The following CTC1 variants were observed in gnomAD, a reference collection of about 807,000 sequenced individuals.
The protein encoded by CTC1 is CST complex subunit CTC1.
In CTC1, 91 loss-of-function variants were observed where a neutral mutation model predicts 136.3. The ratio of observed to expected loss-of-function variants is 0.67; its 90% CI spans 0.56 to 0.79. The LOEUF is 0.79. Among genes scored for constraint, CTC1 ranks in the 30% least tolerant of loss-of-function variants. CTC1 has a pLI of 0.00. For synonymous variants in CTC1, 606 were observed against 613.8 expected (o/e 0.99, Z 0.19); for missense variants, 1,432 against 1,498.1 (o/e 0.96, Z 0.73).
intron 2 of CTC1, among the ~76,000 whole-genome samples, chr17:8,242,348 T>C (rs73244885): frequency 0.019 from 2,926 of 151,936 alleles, 100 homozygotes; most frequent in African/African-American, 0.067. Context: ...TGATTACTTC[T>C]ATGAGGAGAT....
At position 8,235,963 on chromosome 17, in the gene CTC1, C is replaced by A. The variant is rs375114652; in HGVS notation, c.1078-4G>T. 7.3e-5 allele frequency: 117 copies of A among 1,603,624 alleles called. No homozygotes were observed. The highest frequency in any genetic ancestry group is 1.7e-4 in the Middle Eastern group (1 of 6,034). On this transcript the variant is annotated splice_polypyrimidine_tract_variant and splice_region_variant and intron_variant, in intron 6 of 22. Transcript: ENST00000651323. Reference sequence around the variant, plus strand: ...TCAACACGCCAGTGACTGCTCCCTGCAAACAGGCCGAGGTCCAGTTGACCA... The same window carrying A: ...TCAACACGCCAGTGACTGCTCCCTGAAAACAGGCCGAGGTCCAGTTGACCA...
In CTC1 at chr17:8,230,313, A is replaced by G; in HGVS notation, c.2914T>C (p.Leu972=). 6.2e-7 allele frequency: 1 copy of G among 1,612,720 alleles called. No homozygotes were observed. The highest frequency in any genetic ancestry group is 8.5e-7 in the Non-Finnish European group (1 of 1,179,614). ...LPGARVHFSQ[L]EKRVSRSHNV... The stretch of plus-strand genomic sequence containing the variant: ...CTTCACCTGGAAACCCTTTTCTCCA[A>G]CTGGCTGAAGTGGACCCGGGCTCCT... The change falls in exon 17 of 23, where the codon TTG becomes CTG. Residue 972 remains leucine, a synonymous_variant. Coordinates refer to ENST00000651323, the MANE Select transcript of CTC1 (RefSeq NM_025099.6).
rs1443885483 is a variant in CTC1, at chr17:8,226,545, G to A, written c.*1635C>T. 6.6e-6 allele frequency: 1 copy of A among 152,132 alleles called. No individual in the cohort carries two copies. Among genetic ancestry groups the A allele is most frequent in the Admixed American group, 6.5e-5 (1 of 15,270 alleles). The allele number at this position is 152,132 out of a possible 1,614,324, so 9.4% of individuals were successfully genotyped here. A position where few individuals can be genotyped will look rare whatever the true frequency, so the allele number is the denominator to read the frequency against. The stretch of plus-strand genomic sequence containing the variant: ...GAGTTCCTAGATGAGAGGTTTGGAG[G>A]GTGCCGACTGGATCATCCCATCCTG... On this transcript the variant is annotated 3_prime_UTR_variant, in exon 23 of 23. Coordinates refer to ENST00000651323, the MANE Select transcript of CTC1 (RefSeq NM_025099.6).
intron 1 of CTC1, among the ~76,000 whole-genome samples, chr17:8,246,696 C>A (rs1210614035): frequency 6.6e-5 from 10 of 151,872 alleles, no homozygotes; most frequent in African/African-American, 2.4e-5. Flanking sequence ...ACCATCCTGG[C>A]TAACATGGTG....
Position 8,231,293 on chromosome 17 carries a change from G to T in CTC1, c.2652C>A (p.Thr884=). The T allele has an allele frequency of 6.3e-7, 1 of 1,579,822 alleles. No homozygotes were observed. The highest frequency in any genetic ancestry group is 8.6e-7 in the Non-Finnish European group (1 of 1,157,096). The part of the protein sequence containing the change: ...ANKSLPESSL[T]DLLSDNFTDS... ...ACATTTACTTGTCACTGAGCAGGTCGGTCAGTGAGGATTCAGGCAATGACT... is the reference window on the plus strand; with the variant it reads ...ACATTTACTTGTCACTGAGCAGGTCTGTCAGTGAGGATTCAGGCAATGACT... The change falls in exon 15 of 23, where the codon ACC becomes ACA. Residue 884 remains threonine, a synonymous_variant. Coordinates refer to ENST00000651323, the MANE Select transcript of CTC1 (RefSeq NM_025099.6).
At chr17:8,241,849 C>CAAAA (rs59476896) in intron 2 of CTC1, among the ~76,000 whole-genome samples, 9 of 96,246 alleles carry the variant, frequency 9.4e-5, no homozygotes, top group Non-Finnish European at 1.7e-4. Context: ...GACCCTGTCT[C>CAAAA]AAAAAAAAAA....
At position 8,238,597 on chromosome 17, in the gene CTC1, T is replaced by A; in HGVS notation, c.230A>T (p.Gln77Leu). The part of the protein sequence containing the change: ...FVSVQDLKTH[Q>L]RLPCCSHLSW... ...CAGGTGGCTGCAGCATGGGAGACGC[T>A]GGTGAGTCTTGAGGTCCTGTACTGA... The change falls in exon 3 of 23, where the codon CAG (glutamine) becomes CTG (leucine). Residue 77 changes from glutamine to leucine, a missense_variant. Physicochemically the swap from Gln to Leu is moderately radical, Grantham distance 113 (BLOSUM62 -2). Transcript: ENST00000651323. 5 of 1,612,190 alleles carry A rather than the reference T, an allele frequency of 3.1e-6. No homozygotes were observed. The highest frequency in any genetic ancestry group is 3.4e-6 in the Non-Finnish European group (4 of 1,178,988).
rs1291320361 is a variant in CTC1 at position 8,226,213 on chromosome 17, T to C, written c.*1967A>G. 1 of 152,154 alleles carries C rather than the reference T, an allele frequency of 6.6e-6. No individual in the cohort carries two copies. The highest frequency in any genetic ancestry group is 2.4e-5 in the African/African-American group (1 of 41,422). The allele number at this position is 152,154 out of a possible 1,614,324, so 9.4% of individuals were successfully genotyped here. Reference sequence around the variant, plus strand: ...AAAGGATGTGGATTTAGCCGCAAAATCACGCTGTTTCAATTGAATAAAGGC... The same window carrying C: ...AAAGGATGTGGATTTAGCCGCAAAACCACGCTGTTTCAATTGAATAAAGGC... On this transcript the variant is annotated 3_prime_UTR_variant, in exon 23 of 23. Transcript: ENST00000651323.
At chr17:8,247,894 G>T in intron 1 of CTC1, 110 bp downstream of exon 1, 2 of 1,128,710 alleles carry the variant, frequency 1.8e-6, no homozygotes, top group Non-Finnish European at 1.3e-6. Flanking sequence ...TCACCCATGG[G>T]CCGGACGCGG....
rs1230895650 is a variant in CTC1 at position 8,227,069 on chromosome 17, A to T, written c.*1111T>A. 1.3e-5 allele frequency: 2 copies of T among 150,796 alleles called. No individual in the cohort carries two copies. The highest frequency in any genetic ancestry group is 3.8e-4 in the East Asian group (2 of 5,200). 9.3% of individuals were successfully genotyped at this position (150,796 alleles called of 1,614,324 possible). A position where few individuals can be genotyped will look rare whatever the true frequency, so the allele number is the denominator to read the frequency against. ...AACCAACTGAGCTAACCGGCCACTA[A>T]CTTTCCGGGTCTACTTCAAATCTTA... is the stretch of plus-strand genomic sequence containing the variant. On this transcript the variant is annotated 3_prime_UTR_variant, in exon 23 of 23. Coordinates refer to ENST00000651323, the MANE Select transcript of CTC1 (RefSeq NM_025099.6).
chr17:8,230,004 G>C lies in CTC1; in HGVS notation c.2934-36C>G, dbSNP rs1260634019. The C allele has an allele frequency of 1.9e-6, 3 of 1,599,584 alleles. No homozygotes were observed. The South Asian group carries it at 3.3e-5, about 18-fold the overall frequency. On this transcript the variant is annotated intron_variant, in intron 17 of 22. Coordinates refer to ENST00000651323, the MANE Select transcript of CTC1 (RefSeq NM_025099.6). ...AAGAGGAATAGTGAGTGACCAGGAA[G>C]ACAAGGCAAATTGGGGTAGAAGCTG...
chr17:8,231,471 T>C lies in CTC1; in HGVS notation c.2476-2A>G. 2.5e-6 allele frequency: 4 copies of C among 1,595,422 alleles called. No individual in the cohort carries two copies. Among genetic ancestry groups the C allele is most frequent in the Non-Finnish European group, 3.4e-6 (4 of 1,168,672 alleles). Reference sequence around the variant, plus strand: ...ATCCTTTTCAAACAACATTGGTGTCTGCACGGAAATGGGAAGACGACTGCC... The same window carrying C: ...ATCCTTTTCAAACAACATTGGTGTCCGCACGGAAATGGGAAGACGACTGCC... On this transcript the variant is annotated splice_acceptor_variant, in intron 14 of 22. Transcript: ENST00000651323. LOFTEE classifies it high-confidence loss of function.
intron 18 of CTC1, 134 bp from the exon 19 acceptor site, chr17:8,229,580 G>A (rs1987038843): frequency 1.4e-6 from 1 of 737,550 alleles, no homozygotes; most frequent in Non-Finnish European, 2.3e-6. Flanking sequence ...TGCGCTCCTA[G>A]AAGCCCCATT....
At position 8,237,439 on chromosome 17, in the gene CTC1, GCT is replaced by G; in HGVS notation, c.726_727del (p.Lys242AsnfsTer9). The stretch of plus-strand genomic sequence containing the variant: ...TCTACCAAGAGACAGGATGAAGTAA[GCT>G]TTCTGTTTACTTTTCACCAGAGCAC... On this transcript the variant is annotated frameshift_variant, in exon 5 of 23. Coordinates refer to ENST00000651323, the MANE Select transcript of CTC1 (RefSeq NM_025099.6). LOFTEE classifies it high-confidence loss of function. The G allele has an allele frequency of 6.2e-7, 1 of 1,613,578 alleles. No individual in the cohort carries two copies. The highest frequency in any genetic ancestry group is 1.6e-4 in the Middle Eastern group (1 of 6,062).
At position 8,234,623 on chromosome 17, in the gene CTC1, G is replaced by A. The variant is rs368449753; in HGVS notation, c.1650C>T (p.Pro550=). The part of the protein sequence containing the change: ...YTRLQTPSSF[P]TLATLKEEGQ... ...CTTCTTCTTTCAGGGTGGCCAGAGT[G>A]GGGAAGGAGGAGGGAGTCTGCAGCC... is the stretch of plus-strand genomic sequence containing the variant. Residue 550 remains proline (P), a synonymous_variant, in exon 10 of 23, where the codon CCC becomes CCT. Transcript: ENST00000651323. The A allele has an allele frequency of 5.0e-6, 8 of 1,612,924 alleles. No individual in the cohort carries two copies. In the South Asian group the frequency reaches 7.7e-5, roughly 16 times the overall value.
chr17:8,242,547 A>ATAT (rs1363648104), intron 2 of CTC1, among the ~76,000 whole-genome samples: 3 of 96,818 alleles, frequency 3.1e-5, no homozygotes, highest in African/African-American at 1.1e-4. Flanking sequence ...AAAAAAAAAA[A>ATAT]AAAAAAATAT....
intron 1 of CTC1, among the ~76,000 whole-genome samples, chr17:8,245,690 C>A (rs1019779537): frequency 1.3e-5 from 2 of 152,156 alleles, no homozygotes; most frequent in Non-Finnish European, 2.9e-5. Flanking sequence ...GTAATCCCAG[C>A]ACTCTGGGGG....
At chr17:8,242,532 AG>A (rs1261359285) in intron 2 of CTC1, among the ~76,000 whole-genome samples, 18,227 of 47,456 alleles carry the variant, frequency 0.38, 1,319 homozygotes, top group Non-Finnish European at 0.41. Flanking sequence ...TAGTGTAGAG[AG>A]AAAAAAAAAA....
At chr17:8,247,775 A>G (rs1988879727) in intron 1 of CTC1, 2 of 569,018 alleles carry the variant, frequency 3.5e-6, no homozygotes, top group East Asian at 3.1e-5. Context: ...ATTAAACCCT[A>G]GAGAGTGAAC....
Sources: gnomAD v4.1 joint callset for allele counts (sites outside exome capture counted in the v4.1 genomes callset) on GRCh38, gnomAD v4.1.1 for gene constraint, MANE v1.5 for transcripts, NCBI Gene and HGNC (gene_info 2026-07-23, HGNC 2026-07-21) for gene names.